SUSD6: variants seen among roughly 807,000 people sequenced by gnomAD.
SUSD6 encodes sushi domain containing 6.
A neutral mutation model predicts 28.4 loss-of-function variants in SUSD6; 16 were observed. The ratio of observed to expected loss-of-function variants is 0.56; its 90% CI spans 0.38 to 0.86. SUSD6 has a LOEUF of 0.86. Ranked by LOEUF, SUSD6 falls within the 40% of genes least tolerant of loss-of-function variation. The pLI, the probability that SUSD6 is intolerant of heterozygous loss-of-function variation, is 0.00. For synonymous variants in SUSD6, 147 were observed against 159.6 expected (o/e 0.92, Z 0.59); for missense variants, 341 against 384.2 (o/e 0.89, Z 0.94).
chr14:69,656,852 C>T (rs1440614755), intron 1 of SUSD6, among the ~76,000 whole-genome samples: 2 of 152,230 alleles, frequency 1.3e-5, no homozygotes, highest in Non-Finnish European at 2.9e-5. Context: ...GGCACACATT[C>T]GACACACAGT....
chr14:69,629,769 T>C (rs1305752939), intron 1 of SUSD6, among the ~76,000 whole-genome samples: 1 of 152,214 alleles, frequency 6.6e-6, no homozygotes, highest in Non-Finnish European at 1.5e-5. Flanking sequence ...CTAAAGTCAG[T>C]GCAATTCACT....
chr14:69,687,768 T>A (rs913797780), intron 2 of SUSD6, among the ~76,000 whole-genome samples: 2 of 152,248 alleles, frequency 1.3e-5, no homozygotes, highest in African/African-American at 4.8e-5. Flanking sequence ...ATACAGTGTC[T>A]TTCGTACTTG....
chr14:69,658,686 A>C lies in SUSD6; in HGVS notation c.94A>C (p.Thr32Pro), dbSNP rs1280934756. ...GTTCCTTCCGCTAGTGATCCTTTGC[A>C]CCCTGCTTGGAGACGGACTTGCTTC... ...GVFLPLVILC[T>P]LLGDGLASVC... Residue 32 changes from threonine to proline, a missense_variant, in exon 2 of 6, where the codon ACC becomes CCC. Thr to Pro is a conservative substitution (Grantham distance 38). Coordinates refer to ENST00000342745, the MANE Select transcript of SUSD6 (RefSeq NM_014734.4). The C allele has an allele frequency of 6.2e-7, 1 of 1,613,920 alleles. No homozygotes were observed. Among genetic ancestry groups the C allele is most frequent in the South Asian group, 1.1e-5 (1 of 91,074 alleles).
intron 2 of SUSD6, among the ~76,000 whole-genome samples, chr14:69,675,071 C>T (rs181806657): frequency 2.0e-4 from 31 of 151,772 alleles, no homozygotes; most frequent in Admixed American, 1.8e-3. Flanking sequence ...TCTGAGACAA[C>T]TGGAAACTGC....
chr14:69,681,668 T>C (rs1354101287), intron 2 of SUSD6, among the ~76,000 whole-genome samples: 3 of 152,254 alleles, frequency 2.0e-5, no homozygotes, highest in Non-Finnish European at 4.4e-5. Flanking sequence ...TCATTACTTC[T>C]TGAGAATGGT....
intron 1 of SUSD6, among the ~76,000 whole-genome samples, chr14:69,650,781 G>A (rs1226492507): frequency 6.6e-6 from 1 of 152,118 alleles, no homozygotes; most frequent in Non-Finnish European, 1.5e-5. Flanking sequence ...TTGTTAAGAT[G>A]TGTTATTTTT....
chr14:69,617,644 C>A (rs1196642566), intron 1 of SUSD6: 1 of 152,224 alleles, frequency 6.6e-6, no homozygotes, highest in Non-Finnish European at 1.5e-5. Flanking sequence ...CAATGCGAAG[C>A]CTCAGCTCTA....
chr14:69,663,483 G>C (rs1181118501), intron 2 of SUSD6, among the ~76,000 whole-genome samples: 2 of 152,218 alleles, frequency 1.3e-5, no homozygotes, highest in Non-Finnish European at 2.9e-5. Flanking sequence ...GATGTTGGCA[G>C]GTGGCCCTGG....
intron 2 of SUSD6, among the ~76,000 whole-genome samples, chr14:69,669,740 G>A (rs1262549456): frequency 6.6e-6 from 1 of 152,142 alleles, no homozygotes; most frequent in Non-Finnish European, 1.5e-5. Context: ...AGCTTCTTCT[G>A]TGGAACATCA....
At chr14:69,709,608 C>T (rs1566609384) in intron 5 of SUSD6, among the ~76,000 whole-genome samples, 1 of 152,208 alleles carries the variant, frequency 6.6e-6, no homozygotes, top group Non-Finnish European at 1.5e-5. Context: ...TATTTATTGA[C>T]ATCCCCATTT....
At chr14:69,707,051 GT>G (rs1365812052) in intron 4 of SUSD6, among the ~76,000 whole-genome samples, 1 of 151,186 alleles carries the variant, frequency 6.6e-6, no homozygotes, top group African/African-American at 2.4e-5. Context: ...AAAAACTATA[GT>G]GGACTGTTTA....
At chr14:69,703,670 TC>T in intron 3 of SUSD6, 78 bp downstream of exon 3, 1 of 1,339,456 alleles carries the variant, frequency 7.5e-7, no homozygotes, top group Non-Finnish European at 1.1e-6. Context: ...GCATGCTTCC[TC>T]CAGAGCACTC....
Position 69,615,492 on chromosome 14 carries a change from A to C in SUSD6, c.-81+3664A>C, listed in dbSNP as rs111458198. 8.5e-4 allele frequency: 130 copies of C among 152,356 alleles called. 1 individual carries two copies. Among genetic ancestry groups the C allele is most frequent in the African/African-American group, 3.0e-3 (124 of 41,564 alleles). The allele number at this position is 152,356 out of a possible 1,614,324, so 9.4% of individuals were successfully genotyped here. On this transcript the variant is annotated intron_variant, in intron 1 of 5. Transcript: ENST00000342745. ...TTCTTCTTGGGCTGATGTGTCTGCG[A>C]TGGTGTCCTTTTTCTTCCCTTTTTA...
chr14:69,709,162 A>G, intron 5 of SUSD6, 58 bp downstream of exon 5: 1 of 1,416,372 alleles, frequency 7.1e-7, no homozygotes, highest in Non-Finnish European at 9.6e-7. Flanking sequence ...GCTGGGAGTG[A>G]GGAAGGACTG....
chr14:69,645,695 C>G (rs2139605784), intron 1 of SUSD6, among the ~76,000 whole-genome samples: 1 of 152,200 alleles, frequency 6.6e-6, no homozygotes, highest in East Asian at 1.9e-4. Context: ...TCTTTCTTCT[C>G]CCTTCTTTTT....
At chr14:69,702,637 T>C (rs973086803) in intron 2 of SUSD6, among the ~76,000 whole-genome samples, 3 of 152,194 alleles carry the variant, frequency 2.0e-5, no homozygotes, top group African/African-American at 4.8e-5. Flanking sequence ...AATCAGAAGA[T>C]TTGACTGTGA....
rs376774337 is a variant in SUSD6, at chr14:69,679,907, T to C, written c.121+21194T>C. Reference sequence around the variant, plus strand: ...GCCAATTCCCAGGCCCTTCAACCACTAGGAATAGTTTTTAATTTTATGCCT... The same window carrying C: ...GCCAATTCCCAGGCCCTTCAACCACCAGGAATAGTTTTTAATTTTATGCCT... On this transcript the variant is annotated intron_variant, in intron 2 of 5. Coordinates refer to ENST00000342745, the MANE Select transcript of SUSD6 (RefSeq NM_014734.4). 3.0e-4 allele frequency among the ~76,000 whole-genome samples: 46 copies of C among 152,320 alleles called. No individual in the cohort carries two copies. The South Asian group carries it at 8.9e-3, about 29-fold the overall frequency.
At chr14:69,685,453 C>T (rs1281864032) in intron 2 of SUSD6, among the ~76,000 whole-genome samples, 1 of 152,148 alleles carries the variant, frequency 6.6e-6, no homozygotes, top group Non-Finnish European at 1.5e-5. Flanking sequence ...CGGGGAAACC[C>T]AGGATGAGCT....
chr14:69,688,941 G>T (rs1298352561), intron 2 of SUSD6, among the ~76,000 whole-genome samples: 1 of 152,070 alleles, frequency 6.6e-6, no homozygotes, highest in African/African-American at 2.4e-5. Context: ...CCCTCTTCTG[G>T]CACCAGCCTG....
Sources: allele counts gnomAD v4.1 joint callset (sites outside exome capture counted in the v4.1 genomes callset), GRCh38; gene constraint gnomAD v4.1.1; transcripts MANE v1.5; gene names NCBI Gene and HGNC (gene_info 2026-07-23, HGNC 2026-07-21).